DNAH14: variants seen among roughly 807,000 people sequenced by gnomAD.
DNAH14 encodes dynein axonemal heavy chain 14, also known as axonemal beta dynein heavy chain 14.
A neutral mutation model predicts 520.9 loss-of-function variants in DNAH14; 478 were observed. That is an observed-to-expected ratio of 0.92 (90% CI 0.85 to 0.99). The LOEUF (loss-of-function observed/expected upper bound fraction) is 0.99, where lower values mean the gene tolerates loss of function less well. DNAH14 is among the 50% of genes least tolerant of loss of function. The pLI, the probability that DNAH14 is intolerant of heterozygous loss-of-function variation, is 0.00. For synonymous variants in DNAH14, 1,581 were observed against 1,757.2 expected (o/e 0.90, Z 2.51); for missense variants, 4,831 against 5,234.5 (o/e 0.92, Z 2.38).
Position 225,246,468 on chromosome 1 carries a change from C to T in DNAH14, c.6748+5646C>T, listed in dbSNP as rs867531470. On this transcript the variant is annotated intron_variant, in intron 43 of 85. Coordinates refer to ENST00000682510, the MANE Select transcript of DNAH14 (RefSeq NM_001367479.1). ...ACCTACAGAACGGGAGAAAATTTTG[C>T]GATCTATCCATCTGATAAGGGGCTA... Among the ~76,000 whole-genome samples, 13 of 152,118 alleles carry T rather than the reference C, an allele frequency of 8.5e-5. 1 individual carries two copies. The South Asian group carries it at 1.2e-3, about 15-fold the overall frequency.
At chr1:225,308,445 G>A in intron 60 of DNAH14, 35 bp downstream of exon 60, 1 of 1,500,318 alleles carries the variant, frequency 6.7e-7, no homozygotes, top group East Asian at 2.5e-5. Flanking sequence ...AAATAATTTG[G>A]AGATTTGAAA....
In DNAH14 at chr1:225,156,154, CT is replaced by C. The variant is rs917031296; in HGVS notation, c.5273+2336del. On this transcript the variant is annotated intron_variant, in intron 34 of 85. Transcript: ENST00000682510. ...CCCTGGCATAGTAATTCATCCCTCC[CT>C]TTTTTTTCTACTTTCTCTTTATAAA... 3.3e-5 allele frequency among the ~76,000 whole-genome samples: 5 copies of C among 152,004 alleles called. No homozygotes were observed. The East Asian group carries it at 7.7e-4, about 24-fold the overall frequency.
intron 36 of DNAH14, among the ~76,000 whole-genome samples, chr1:225,176,426 A>G (rs766619915): frequency 1.6e-4 from 24 of 152,238 alleles, no homozygotes; most frequent in Admixed American, 5.9e-4. Flanking sequence ...TCTATGTTAT[A>G]TCTGTTGGGG....
At chr1:225,331,683 A>G in intron 65 of DNAH14, 106 bp downstream of exon 65, 3 of 1,404,136 alleles carry the variant, frequency 2.1e-6, no homozygotes, top group Non-Finnish European at 2.9e-6. Context: ...TTCTAAAACT[A>G]TCTAACTATC....
intron 69 of DNAH14, among the ~76,000 whole-genome samples, chr1:225,344,288 G>C (rs1011852715): frequency 6.7e-6 from 1 of 149,852 alleles, no homozygotes; most frequent in African/African-American, 2.5e-5. Context: ...AGGTAAACTT[G>C]TGTCATGGGG....
intron 37 of DNAH14, among the ~76,000 whole-genome samples, chr1:225,189,822 G>A (rs939001096): frequency 1.3e-5 from 2 of 151,560 alleles, no homozygotes; most frequent in South Asian, 2.1e-4. Context: ...GCCTTTTTGC[G>A]ATTTTATTCT....
intron 83 of DNAH14, among the ~76,000 whole-genome samples, chr1:225,392,062 G>A (rs993187405): frequency 2.6e-5 from 4 of 152,128 alleles, no homozygotes; most frequent in Non-Finnish European, 5.9e-5. Context: ...TGCTGGCCTT[G>A]AAAAACAACC....
intron 4 of DNAH14, among the ~76,000 whole-genome samples, 197 bp downstream of exon 4, chr1:224,960,499 C>T (rs542568005): frequency 6.6e-6 from 1 of 152,046 alleles, no homozygotes; most frequent in African/African-American, 2.4e-5. Context: ...GAAAAATTGA[C>T]AGAGACTGTT....
intron 23 of DNAH14, among the ~76,000 whole-genome samples, chr1:225,109,542 T>G (rs2076328599): frequency 6.6e-6 from 1 of 152,196 alleles, no homozygotes; most frequent in Non-Finnish European, 1.5e-5. Flanking sequence ...ATGCTACTGA[T>G]TTTTGTATGT....
chr1:224,981,229 A>G (rs1201078200), intron 8 of DNAH14, among the ~76,000 whole-genome samples: 2 of 152,198 alleles, frequency 1.3e-5, no homozygotes, highest in African/African-American at 4.8e-5. Context: ...TTCATCAAGG[A>G]TATCAGTCTG....
intron 8 of DNAH14, among the ~76,000 whole-genome samples, chr1:224,977,876 C>G (rs933890054): frequency 2.6e-5 from 4 of 152,024 alleles, no homozygotes; most frequent in African/African-American, 7.3e-5. Flanking sequence ...AGACATTTCT[C>G]AAAAGAAGGA....
intron 41 of DNAH14, among the ~76,000 whole-genome samples, chr1:225,214,171 G>T (rs773011037): frequency 6.6e-6 from 1 of 152,112 alleles, no homozygotes; most frequent in African/African-American, 2.4e-5. Flanking sequence ...ATAATCATGT[G>T]GTTTTTGTCT....
At chr1:225,367,564 CACA>C (rs1243817979) in intron 76 of DNAH14, among the ~76,000 whole-genome samples, 1 of 152,222 alleles carries the variant, frequency 6.6e-6, no homozygotes, top group Non-Finnish European at 1.5e-5. Flanking sequence ...TGCTTTTAAT[CACA>C]ACATTATACT....
chr1:225,052,412 G>A (rs188007263), intron 17 of DNAH14, among the ~76,000 whole-genome samples: 24 of 152,258 alleles, frequency 1.6e-4, no homozygotes, highest in African/African-American at 5.5e-4. Flanking sequence ...TAATAGACCA[G>A]CCATTGTCCA....
chr1:225,323,498 C>T (rs1929136), intron 62 of DNAH14, among the ~76,000 whole-genome samples: 14,971 of 152,084 alleles, frequency 0.098, 1,275 homozygotes, highest in African/African-American at 0.23. Flanking sequence ...TGTTTTGAGA[C>T]GGAGTCTCAC....
rs368686107 is a variant in DNAH14, at chr1:225,065,029, ATAT to A, written c.2424+13240_2424+13242del. ...TTTCCTCAAAGGTAAATTGGGGATA[ATAT>A]TATTACCTTACCTAGAATGGTTGTG... is the stretch of plus-strand genomic sequence containing the variant. On this transcript the variant is annotated intron_variant, in intron 17 of 85. Transcript: ENST00000682510. Among the ~76,000 whole-genome samples the A allele has an allele frequency of 4.2e-3, 633 of 152,078 alleles. 3 individuals are homozygous for A. Among genetic ancestry groups the A allele is most frequent in the African/African-American group, 0.014 (602 of 41,538 alleles).
At chr1:224,961,792 T>C (rs2060861431) in intron 4 of DNAH14, among the ~76,000 whole-genome samples, 1 of 152,166 alleles carries the variant, frequency 6.6e-6, no homozygotes, top group African/African-American at 2.4e-5. Context: ...TTGCAACAAA[T>C]GTTGCTGTAC....
At chr1:225,011,758 C>CT (rs200216236) in intron 10 of DNAH14, among the ~76,000 whole-genome samples, 7 of 82,136 alleles carry the variant, frequency 8.5e-5, no homozygotes, top group African/African-American at 3.0e-4. Flanking sequence ...GCAACCTCTG[C>CT]TTTTTTTTTT....
chr1:225,265,357 A>G lies in DNAH14; in HGVS notation c.7398A>G (p.Pro2466=). The stretch of plus-strand genomic sequence containing the variant: ...GAACTAAAGATACTCTTGGAGCACC[A>G]AAAAACAACCGGGTAAAACACCTCT... The part of the protein sequence containing the change: ...IRRTKDTLGA[P]KNNRILIFID... Residue 2466 remains proline (P), a synonymous_variant, in exon 48 of 86, where the codon CCA becomes CCG. Coordinates refer to ENST00000682510, the MANE Select transcript of DNAH14 (RefSeq NM_001367479.1). 1 of 1,533,800 alleles carries G rather than the reference A, an allele frequency of 6.5e-7. No homozygotes were observed. The highest frequency in any genetic ancestry group is 1.3e-5 in the South Asian group (1 of 79,452).
Sources: gnomAD v4.1 joint callset for allele counts (sites outside exome capture counted in the v4.1 genomes callset) on GRCh38, gnomAD v4.1.1 for gene constraint, MANE v1.5 for transcripts, NCBI Gene and HGNC (gene_info 2026-07-23, HGNC 2026-07-21) for gene names.